EYS: variants seen among roughly 807,000 people sequenced by gnomAD.
EYS encodes EGF-like photoreceptor maintenance factor.
A neutral mutation model predicts 282.1 loss-of-function variants in EYS; 250 were observed. The observed-to-expected ratio is 0.89, with a 90% confidence interval of 0.80 to 0.98. EYS has a LOEUF of 0.98. Among genes scored for constraint, EYS ranks in the 50% least tolerant of loss-of-function variants. EYS has a pLI of 0.00. For synonymous variants in EYS, 1,355 were observed against 1,282.9 expected, an observed-to-expected ratio of 1.06 and a Z score of -1.20; for missense variants, 4,016 against 3,709.0, an observed-to-expected ratio of 1.08 and a Z score of -2.15.
At chr6:65,172,502 A>T (rs1765127258) in intron 12 of EYS, among the ~76,000 whole-genome samples, 1 of 151,360 alleles carries the variant, frequency 6.6e-6, no homozygotes, top group African/African-American at 2.4e-5. Context: ...ATATTTACCT[A>T]TTTATGTTTA....
intron 31 of EYS, among the ~76,000 whole-genome samples, chr6:64,195,603 T>A (rs1765261902): frequency 6.6e-6 from 1 of 152,216 alleles, no homozygotes; most frequent in South Asian, 2.1e-4. Context: ...CCAGCTTTTT[T>A]ATTACTTTTT....
intron 26 of EYS, among the ~76,000 whole-genome samples, chr6:64,531,386 GTTTTTTGTT>G (rs1764329982): frequency 1.9e-5 from 1 of 52,492 alleles, no homozygotes; most frequent in East Asian, 1.5e-3. Flanking sequence ...ATTGAGTTTT[GTTTTTTGTT>G]TTTTTTTTTT....
At position 64,822,776 on chromosome 6, in the gene EYS, AC is replaced by A; in HGVS notation, c.3038del (p.Cys1013PhefsTer77). 1 of 1,550,092 alleles carries A rather than the reference AC, an allele frequency of 6.5e-7. No homozygotes were observed. Among genetic ancestry groups the A allele is most frequent in the Non-Finnish European group, 8.7e-7 (1 of 1,145,988 alleles). On this transcript the variant is annotated frameshift_variant, in exon 20 of 43. Coordinates refer to ENST00000503581, the MANE Select transcript of EYS (RefSeq NM_001142800.2). LOFTEE classifies it high-confidence loss of function. ...CATCGATACAAACTCCATCATGGAG[AC>A]AGGGCTCTGATAGGCATTCATCTAG... is the stretch of plus-strand genomic sequence containing the variant. ...INLDECLSEP[C>X]LHDGVCIDGI...
At chr6:65,578,607 T>TA (rs1247255292) in intron 2 of EYS, among the ~76,000 whole-genome samples, 8 of 151,520 alleles carry the variant, frequency 5.3e-5, no homozygotes, top group South Asian at 2.1e-4. Context: ...TTCTCAGTAT[T>TA]AAAAAAAATG....
At chr6:64,494,016 G>A (rs1215187096) in intron 26 of EYS, among the ~76,000 whole-genome samples, 2 of 151,544 alleles carry the variant, frequency 1.3e-5, no homozygotes, top group East Asian at 3.9e-4. Flanking sequence ...GAGCTGCATG[G>A]CCAACAGTAT....
At chr6:65,531,730 A>C (rs1257182523) in intron 2 of EYS, among the ~76,000 whole-genome samples, 1 of 152,188 alleles carries the variant, frequency 6.6e-6, no homozygotes, top group African/African-American at 2.4e-5. Context: ...CAGAGCTGGG[A>C]GCAGTAATCA....
At chr6:63,950,393 C>A (rs1347098327) in intron 35 of EYS, among the ~76,000 whole-genome samples, 1 of 151,760 alleles carries the variant, frequency 6.6e-6, no homozygotes, top group Non-Finnish European at 1.5e-5. Context: ...ATGTTGTGAC[C>A]CCCGCCCCTG....
At chr6:65,195,412 T>A (rs1765740688) in intron 12 of EYS, among the ~76,000 whole-genome samples, 1 of 152,054 alleles carries the variant, frequency 6.6e-6, no homozygotes, top group Admixed American at 6.6e-5. Flanking sequence ...TGCTTGTGAA[T>A]CTCTCTTGAT....
intron 29 of EYS, among the ~76,000 whole-genome samples, chr6:64,347,866 CT>C (rs1445054945): frequency 6.6e-6 from 1 of 151,296 alleles, no homozygotes; most frequent in Non-Finnish European, 1.5e-5. Flanking sequence ...ACCTTGTAAA[CT>C]TTCGGCCTCA....
chr6:63,934,030 C>A (rs1177398638), intron 35 of EYS, among the ~76,000 whole-genome samples: 1 of 152,142 alleles, frequency 6.6e-6, no homozygotes, highest in Non-Finnish European at 1.5e-5. Context: ...TATCCAGAAT[C>A]TACAATGAAC....
In EYS at chr6:63,721,332, C is replaced by T; in HGVS notation, c.8699G>A (p.Arg2900Lys). The change falls in exon 43 of 43, where the codon AGA becomes AAA. Residue 2900 changes from arginine (R) to lysine (K), a missense_variant. Coordinates refer to ENST00000503581, the MANE Select transcript of EYS (RefSeq NM_001142800.2). ...ATTTCCAGCCCAATCTGGCAAACAT[C>T]TGCAAGAAAAAGTTGTGCCATTTAC... ...CTVNGTTFSC[R>K]CLPDWAGNTC... 1 of 1,551,988 alleles carries T rather than the reference C, an allele frequency of 6.4e-7. No homozygotes were observed. The highest frequency in any genetic ancestry group is 8.7e-7 in the Non-Finnish European group (1 of 1,147,002).
chr6:64,372,960 C>T (rs751739379), intron 29 of EYS, among the ~76,000 whole-genome samples: 2 of 152,146 alleles, frequency 1.3e-5, no homozygotes, highest in African/African-American at 2.4e-5. Context: ...CTACCAGCTC[C>T]TATACTGTTT....
chr6:64,579,150 T>G (rs1450049331), intron 26 of EYS, among the ~76,000 whole-genome samples: 2 of 152,142 alleles, frequency 1.3e-5, no homozygotes, highest in Admixed American at 1.3e-4. Flanking sequence ...CCTGTTTTGA[T>G]CCCTGCTCCC....
chr6:65,206,406 T>TA (rs1766035409), intron 12 of EYS, among the ~76,000 whole-genome samples: 1 of 151,308 alleles, frequency 6.6e-6, no homozygotes, highest in African/African-American at 2.4e-5. Flanking sequence ...AAAAAAATTA[T>TA]AAAAATAAGC....
At chr6:65,130,905 G>T (rs116313426) in intron 12 of EYS, among the ~76,000 whole-genome samples, 2 of 151,114 alleles carry the variant, frequency 1.3e-5, no homozygotes, top group South Asian at 4.2e-4. Flanking sequence ...ACTGTTTATT[G>T]TAAGTGGTAA....
intron 7 of EYS, among the ~76,000 whole-genome samples, chr6:65,393,002 A>T (rs1246943191): frequency 1.3e-5 from 2 of 152,184 alleles, no homozygotes; most frequent in East Asian, 1.9e-4. Flanking sequence ...ATAAAAAATG[A>T]TGAGTTCATG....
chr6:64,902,581 A>G, intron 16 of EYS, 81 bp from the exon 17 acceptor site: 3 of 755,378 alleles, frequency 4.0e-6, no homozygotes, highest in Non-Finnish European at 6.2e-6. Flanking sequence ...AGTCTAAAGA[A>G]TACACTCATA....
chr6:65,454,467 G>A, intron 5 of EYS, among the ~76,000 whole-genome samples: 1 of 151,380 alleles, frequency 6.6e-6, no homozygotes, highest in East Asian at 1.9e-4. Context: ...TCTTCAACTT[G>A]GCTAATAGTT....
At chr6:64,830,895 G>A (rs1765192684) in intron 19 of EYS, among the ~76,000 whole-genome samples, 1 of 151,928 alleles carries the variant, frequency 6.6e-6, no homozygotes, top group Non-Finnish European at 1.5e-5. Context: ...TCTTCCCCAG[G>A]AATTGAATTT....
Sources: allele counts gnomAD v4.1 joint callset (sites outside exome capture counted in the v4.1 genomes callset), GRCh38; gene constraint gnomAD v4.1.1; transcripts MANE v1.5; gene names NCBI Gene and HGNC (gene_info 2026-07-23, HGNC 2026-07-21).